Variants in CSMD2 observed in about 807,000 individuals in gnomAD.
The protein encoded by CSMD2 is CUB and Sushi multiple domains 2, also known as CUB and sushi domain-containing protein 2.
CSMD2 carries 130 observed loss-of-function variants against 398.5 expected under a neutral mutation model. The ratio of observed to expected loss-of-function variants is 0.33; its 90% CI spans 0.28 to 0.38. CSMD2 has a LOEUF of 0.38. Among genes scored for constraint, CSMD2 ranks in the 10% least tolerant of loss-of-function variants. The pLI, the probability that CSMD2 is intolerant of heterozygous loss-of-function variation, is 1.00. For synonymous variants in CSMD2, 1,828 were observed against 1,908.5 expected, an observed-to-expected ratio of 0.96 and a Z score of 1.10; for missense variants, 3,829 against 4,764.9, an observed-to-expected ratio of 0.80 and a Z score of 5.78.
chr1:33,563,244 G>A (rs2148667656), intron 53 of CSMD2, among the ~76,000 whole-genome samples: 1 of 151,786 alleles, frequency 6.6e-6, no homozygotes, highest in Non-Finnish European at 1.5e-5. Context: ...TATGGTCTTA[G>A]AAGCTGAGGG....
intron 67 of CSMD2, among the ~76,000 whole-genome samples, chr1:33,522,095 A>G (rs1654358891): frequency 6.6e-6 from 1 of 152,194 alleles, no homozygotes; most frequent in Non-Finnish European, 1.5e-5. Flanking sequence ...AACTCCTGCT[A>G]CTGATGCTCA....
chr1:34,111,594 A>G (rs1225589147), intron 1 of CSMD2, among the ~76,000 whole-genome samples: 1 of 152,190 alleles, frequency 6.6e-6, no homozygotes, highest in Non-Finnish European at 1.5e-5. Context: ...AAACCTTCCA[A>G]TATCCCAAAG....
chr1:33,964,485 A>T (rs185651607), intron 3 of CSMD2, among the ~76,000 whole-genome samples: 98 of 152,318 alleles, frequency 6.4e-4, no homozygotes, highest in Non-Finnish European at 1.1e-3. Flanking sequence ...GAAATAAGCA[A>T]CTGGAATAGG....
Position 33,605,388 on chromosome 1 carries a change from T to C in CSMD2, c.6426A>G (p.Ser2142=), listed in dbSNP as rs536672504. The change falls in exon 42 of 71, where the codon TCA becomes TCG. Residue 2142 remains serine (S), a synonymous_variant. Coordinates refer to ENST00000373381, the MANE Select transcript of CSMD2 (RefSeq NM_001281956.2). ...ACCCCGGGAGGCACTCGAAGGTCACTGATTGTCCCACGTTGTAGCCAGCTC... is the reference window on the plus strand; with the variant it reads ...ACCCCGGGAGGCACTCGAAGGTCACCGATTGTCCCACGTTGTAGCCAGCTC... ...VRGAGYNVGQ[S]VTFECLPGYQ... 1.1e-5 allele frequency: 18 copies of C among 1,614,202 alleles called. No homozygotes were observed. The highest frequency in any genetic ancestry group is 1.6e-4 in the Middle Eastern group (1 of 6,062).
At position 33,935,024 on chromosome 1, in the gene CSMD2, A is replaced by G. The variant is rs567841592; in HGVS notation, c.712+736T>C. On this transcript the variant is annotated intron_variant, in intron 4 of 70. Transcript: ENST00000373381. ...GTCTCAAATAAAATTAAAAAAAAAA[A>G]AAAAAAGAAAAAAGAAAAAGAATGA... is the stretch of plus-strand genomic sequence containing the variant. Among the ~76,000 whole-genome samples, 25 of 151,214 alleles carry G rather than the reference A, an allele frequency of 1.7e-4. No homozygotes were observed. In the East Asian group the frequency reaches 1.7e-3, roughly 11 times the overall value.
chr1:34,007,846 A>G (rs1029496101), intron 3 of CSMD2, among the ~76,000 whole-genome samples: 6 of 152,214 alleles, frequency 3.9e-5, no homozygotes, highest in Non-Finnish European at 8.8e-5. Context: ...GTGTGATAAT[A>G]GTTGATTTTA....
chr1:33,602,522 G>T lies in CSMD2; in HGVS notation c.6557C>A (p.Ser2186Tyr). Residue 2186 changes from serine (S) to tyrosine (Y), a missense_variant, in exon 43 of 71, where the codon TCT becomes TAT. By Grantham distance (144) the Ser-to-Tyr change is moderately radical (BLOSUM62 -2). Transcript: ENST00000373381. ...CEVPCGGNIT[S>Y]SNGTVYSPGF... The stretch of plus-strand genomic sequence containing the variant: ...CGGGGAGTACACAGTGCCGTTGGAA[G>T]AAGTGATGTTCCCGCCACAAGGGAC... The T allele has an allele frequency of 6.3e-7, 1 of 1,581,578 alleles. No individual in the cohort carries two copies. Among genetic ancestry groups the T allele is most frequent in the South Asian group, 1.2e-5 (1 of 84,792 alleles).
chr1:33,962,565 TC>T (rs1455144818), intron 3 of CSMD2, among the ~76,000 whole-genome samples: 1 of 152,096 alleles, frequency 6.6e-6, no homozygotes, highest in Non-Finnish European at 1.5e-5. Context: ...CCCAACAGCT[TC>T]CCCTCTTACT....
chr1:33,864,107 A>G (rs1639767789), intron 5 of CSMD2: 1 of 1,332,402 alleles, frequency 7.5e-7, no homozygotes, highest in Non-Finnish European at 1.0e-6. Flanking sequence ...CAAGTACAGC[A>G]CTTTCTAGAT....
intron 12 of CSMD2, among the ~76,000 whole-genome samples, chr1:33,786,987 C>T (rs1376777670): frequency 1.3e-5 from 2 of 152,168 alleles, no homozygotes; most frequent in African/African-American, 2.4e-5. Context: ...CAAATGTAAT[C>T]AAGTTAAGAT....
intron 3 of CSMD2, among the ~76,000 whole-genome samples, chr1:34,016,496 C>A (rs10799019): frequency 6.6e-6 from 1 of 152,022 alleles, no homozygotes; most frequent in Non-Finnish European, 1.5e-5. Context: ...TTCTTTTTCA[C>A]GGCTGCATAG....
At chr1:33,597,671 A>G (rs970699336) in intron 44 of CSMD2, among the ~76,000 whole-genome samples, 1 of 152,246 alleles carries the variant, frequency 6.6e-6, no homozygotes, top group African/African-American at 2.4e-5. Flanking sequence ...AATGGTTATA[A>G]CTGCTTCTAA....
At chr1:33,766,474 T>C (rs1188173593) in intron 13 of CSMD2, among the ~76,000 whole-genome samples, 1 of 152,208 alleles carries the variant, frequency 6.6e-6, no homozygotes, top group Non-Finnish European at 1.5e-5. Flanking sequence ...GAACCTAATA[T>C]TCATAGCATC....
chr1:33,661,373 G>T (rs564282979), intron 26 of CSMD2, among the ~76,000 whole-genome samples: 3 of 152,178 alleles, frequency 2.0e-5, no homozygotes, highest in African/African-American at 7.2e-5. Context: ...TCCCAAGTTT[G>T]TTCCACGAAA....
chr1:33,651,702 AAG>A (rs1281891010), intron 28 of CSMD2, among the ~76,000 whole-genome samples: 1 of 152,202 alleles, frequency 6.6e-6, no homozygotes, highest in Non-Finnish European at 1.5e-5. Flanking sequence ...AAGGGTGATC[AAG>A]AGGTGGAGTG....
chr1:33,759,013 C>A (rs1320589235), intron 13 of CSMD2, among the ~76,000 whole-genome samples: 3 of 152,180 alleles, frequency 2.0e-5, no homozygotes, highest in African/African-American at 7.2e-5. Context: ...TGTTTCAAGT[C>A]ATTGAGAGTT....
chr1:33,991,476 T>C (rs916116683), intron 3 of CSMD2, among the ~76,000 whole-genome samples: 10 of 152,120 alleles, frequency 6.6e-5, no homozygotes, highest in Non-Finnish European at 1.5e-4. Flanking sequence ...AATTCTTCCA[T>C]CGAAATTGAG....
intron 56 of CSMD2, 105 bp downstream of exon 56, chr1:33,550,072 T>G: frequency 8.4e-7 from 1 of 1,188,286 alleles, no homozygotes; most frequent in Non-Finnish European, 1.2e-6. Context: ...TTCTGAGGTC[T>G]GATTCCCTCC....
At chr1:33,807,457 G>GA (rs1299472341) in intron 10 of CSMD2, among the ~76,000 whole-genome samples, 1 of 152,120 alleles carries the variant, frequency 6.6e-6, no homozygotes, top group African/African-American at 2.4e-5. Context: ...TCATTGACAA[G>GA]AAAATAAATT....
Sources: gnomAD v4.1 joint callset for allele counts (sites outside exome capture counted in the v4.1 genomes callset) on GRCh38, gnomAD v4.1.1 for gene constraint, MANE v1.5 for transcripts, NCBI Gene and HGNC (gene_info 2026-07-23, HGNC 2026-07-21) for gene names.